The following CXADR variants were observed in gnomAD, a reference collection of about 807,000 sequenced individuals.
The protein encoded by CXADR is coxsackievirus and adenovirus receptor.
Under a neutral mutation model 40.3 loss-of-function variants are expected in CXADR, and 20 were observed. The observed-to-expected ratio is 0.50, with a 90% CI of 0.35 to 0.72. The LOEUF (loss-of-function observed/expected upper bound fraction) is 0.72, where lower values mean the gene tolerates loss of function less well. CXADR is among the 30% of genes least tolerant of loss of function. The probability of loss-of-function intolerance (pLI) is 0.01; values close to 1 mark genes in which losing one functional copy is unlikely to be tolerated. For missense variants in CXADR, 332 were observed against 449.1 expected (o/e 0.74, Z 2.36); for synonymous variants, 150 against 161.3 (o/e 0.93, Z 0.53).
At chr21:17,564,390 G>C (rs898828637) in intron 6 of CXADR, among the ~76,000 whole-genome samples, 2 of 151,308 alleles carry the variant, frequency 1.3e-5, no homozygotes, top group African/African-American at 4.9e-5. Flanking sequence ...TGTATACTTC[G>C]AGTCATCTCT....
intron 1 of CXADR, among the ~76,000 whole-genome samples, chr21:17,516,836 A>G (rs1385743950): frequency 6.6e-6 from 1 of 152,248 alleles, no homozygotes; most frequent in Non-Finnish European, 1.5e-5. Flanking sequence ...CACAAAAAGT[A>G]TGTGAGGTAA....
At chr21:17,610,019 G>A in the CXADR span, among the ~76,000 whole-genome samples, 2 of 152,188 alleles carry the variant, frequency 1.3e-5, no homozygotes, top group African/African-American at 4.8e-5. Flanking sequence ...ACTAATATAA[G>A]CTACAACATG....
At chr21:17,561,941 C>T (rs1249450434) in intron 6 of CXADR, among the ~76,000 whole-genome samples, 1 of 152,160 alleles carries the variant, frequency 6.6e-6, no homozygotes, top group Admixed American at 6.5e-5. Context: ...GAAGTAATAA[C>T]ACATGACTTC....
intron 1 of CXADR, among the ~76,000 whole-genome samples, chr21:17,533,787 G>T (rs983100584): frequency 6.6e-6 from 1 of 151,788 alleles, no homozygotes; most frequent in African/African-American, 2.4e-5. Flanking sequence ...TGGGGATAGG[G>T]AGCTGGGAAT....
intron 1 of CXADR, among the ~76,000 whole-genome samples, chr21:17,526,298 A>C (rs71319642): frequency 6.7e-6 from 1 of 149,222 alleles, no homozygotes; most frequent in East Asian, 2.0e-4. Flanking sequence ...TAAAATCGTT[A>C]TTTTTTTTTT....
chr21:17,566,618 T>C lies in CXADR; in HGVS notation c.*926T>C. On this transcript the variant is annotated 3_prime_UTR_variant, in exon 7 of 7. Coordinates refer to ENST00000284878, the MANE Select transcript of CXADR (RefSeq NM_001338.5). The stretch of plus-strand genomic sequence containing the variant: ...TTGACACTTATAGATTGAAATTTCC[T>C]AATTTATTCTAAATTTTAAGTGGTT... The C allele has an allele frequency of 5.1e-6, 5 of 983,788 alleles. No homozygotes were observed. Among genetic ancestry groups the C allele is most frequent in the Non-Finnish European group, 6.0e-6 (5 of 828,416 alleles). 60.9% of individuals were successfully genotyped at this position (983,788 alleles called of 1,614,324 possible).
chr21:17,585,945 A>G (rs2061392748), intron 7 of CXADR, among the ~76,000 whole-genome samples: 2 of 152,372 alleles, frequency 1.3e-5, no homozygotes, highest in Middle Eastern at 3.4e-3. Context: ...CAGTTTTTAC[A>G]TGTAGACCCA....
chr21:17,630,337 T>C, the CXADR span, among the ~76,000 whole-genome samples: 1 of 152,220 alleles, frequency 6.6e-6, no homozygotes, highest in Non-Finnish European at 1.5e-5. Context: ...GTAATTGCTT[T>C]TTCTTTCTTT....
the CXADR span, among the ~76,000 whole-genome samples, chr21:17,621,146 C>T: frequency 6.6e-6 from 1 of 152,284 alleles, no homozygotes; most frequent in African/African-American, 2.4e-5. Flanking sequence ...GATGTGGGCA[C>T]CATAGCTTAG....
the CXADR span, among the ~76,000 whole-genome samples, chr21:17,609,445 G>A: frequency 6.6e-6 from 1 of 152,172 alleles, no homozygotes; most frequent in East Asian, 1.9e-4. Flanking sequence ...TAAAAGAGAA[G>A]CACTATAATA....
At position 17,513,052 on chromosome 21, in the gene CXADR, C is replaced by T; in HGVS notation, c.-78C>T. 2.3e-6 allele frequency: 3 copies of T among 1,277,860 alleles called. No homozygotes were observed. Among genetic ancestry groups the T allele is most frequent in the Middle Eastern group, 3.0e-4 (1 of 3,364 alleles). The allele number at this position is 1,277,860 out of a possible 1,614,324, so 79.2% of individuals were successfully genotyped here. On this transcript the variant is annotated 5_prime_UTR_variant, in exon 1 of 7. Transcript: ENST00000284878. ...GCCGCCGCCGCGAGCCAGTCGGGAG[C>T]GCGCGAGGCGCGGGGAGCCTGGGAC...
At position 17,568,423 on chromosome 21, in the gene CXADR, C is replaced by G. The variant is rs578110137; in HGVS notation, c.*2731C>G. Reference sequence around the variant, plus strand: ...GATTACAGGCGTGAACCACTGCACCCGGCCCAGTACTGCATCTTAACAGCA... The same window carrying G: ...GATTACAGGCGTGAACCACTGCACCGGGCCCAGTACTGCATCTTAACAGCA... On this transcript the variant is annotated 3_prime_UTR_variant, in exon 7 of 7. Coordinates refer to ENST00000284878, the MANE Select transcript of CXADR (RefSeq NM_001338.5). The G allele has an allele frequency of 1.0e-5, 10 of 985,016 alleles. No individual in the cohort carries two copies. The highest frequency in any genetic ancestry group is 5.3e-5 in the African/African-American group (3 of 57,112). The allele number at this position is 985,016 out of a possible 1,614,324, so 61.0% of individuals were successfully genotyped here. A position where few individuals can be genotyped will look rare whatever the true frequency, so the allele number is the denominator to read the frequency against.
chr21:17,622,517 G>C, the CXADR span, among the ~76,000 whole-genome samples: 2 of 147,150 alleles, frequency 1.4e-5, no homozygotes, highest in Admixed American at 6.8e-5. Flanking sequence ...TTATTTCAGG[G>C]GGGCATGAAA....
At chr21:17,594,101 G>A (rs757368837), downstream of CXADR, 35 of 1,612,710 alleles carry the variant, frequency 2.2e-5, no homozygotes, top group Non-Finnish European at 3.0e-5. Flanking sequence ...AGTTAGTGAG[G>A]TGCTAACATG....
chr21:17,538,817 C>CA (rs1280782724), intron 1 of CXADR, among the ~76,000 whole-genome samples: 7 of 151,648 alleles, frequency 4.6e-5, no homozygotes, highest in African/African-American at 1.5e-4. Flanking sequence ...GACCCTGTTT[C>CA]AAAAAAATAG....
At chr21:17,543,683 A>G (rs2060857772) in intron 1 of CXADR, among the ~76,000 whole-genome samples, 1 of 152,236 alleles carries the variant, frequency 6.6e-6, no homozygotes, top group African/African-American at 2.4e-5. Context: ...TCAAATTTAT[A>G]ATTCACTCAT....
chr21:17,634,801 G>A, the CXADR span, among the ~76,000 whole-genome samples: 1 of 152,108 alleles, frequency 6.6e-6, no homozygotes, highest in African/African-American at 2.4e-5. Flanking sequence ...CTATAGTGCA[G>A]TGACTATTCA....
chr21:17,587,117 T>A (rs2061402862), intron 7 of CXADR, among the ~76,000 whole-genome samples: 1 of 152,230 alleles, frequency 6.6e-6, no homozygotes, highest in Admixed American at 6.5e-5. Context: ...ATGTGCCACA[T>A]TTTCTTAATC....
At chr21:17,614,135 GTCTACT>G in the CXADR span, 1 of 151,198 alleles carries the variant, frequency 6.6e-6, no homozygotes, top group African/African-American at 2.4e-5. Context: ...CTAGGACTTA[GTCTACT>G]TACTGGTACA....
Sources: gnomAD v4.1 joint callset for allele counts (sites outside exome capture counted in the v4.1 genomes callset) on GRCh38, gnomAD v4.1.1 for gene constraint, MANE v1.5 for transcripts, NCBI Gene and HGNC (gene_info 2026-07-23, HGNC 2026-07-21) for gene names.